PRDM14: variants seen among roughly 807,000 people sequenced by gnomAD.
PRDM14 encodes PR/SET domain 14, also known as PR domain zinc finger protein 14.
In PRDM14, 16 loss-of-function variants were observed where a neutral mutation model predicts 48.0. The ratio of observed to expected loss-of-function variants is 0.33; its 90% CI spans 0.23 to 0.51. The LOEUF (loss-of-function observed/expected upper bound fraction) is 0.51. Among genes scored for constraint, PRDM14 ranks in the 20% least tolerant of loss-of-function variants. The pLI is 0.97. For synonymous variants in PRDM14, 264 were observed against 276.6 expected, an observed-to-expected ratio of 0.95 and a Z score of 0.45; for missense variants, 566 against 719.6, an observed-to-expected ratio of 0.79 and a Z score of 2.44.
rs995072589 is a variant in PRDM14, at chr8:70,062,579, C to T, written c.1183+3656G>A. Among the ~76,000 whole-genome samples the T allele has an allele frequency of 7.2e-5, 11 of 151,888 alleles. No individual in the cohort carries two copies. In the East Asian group the frequency reaches 2.1e-3, roughly 29 times the overall value. On this transcript the variant is annotated intron_variant, in intron 5 of 7. Coordinates refer to ENST00000276594, the MANE Select transcript of PRDM14 (RefSeq NM_024504.4). ...CCCGGTTTCAAGCGATTATCCGGCT[C>T]CAGCCTCCTGAGTAGCTGAGATTAC...
intron 5 of PRDM14, among the ~76,000 whole-genome samples, chr8:70,059,428 C>T (rs1441613329): frequency 2.6e-5 from 4 of 151,926 alleles, no homozygotes; most frequent in East Asian, 1.9e-4. Flanking sequence ...CACACCACCA[C>T]GCCCAGCTAA....
rs1445776800 is a variant in PRDM14, at chr8:70,052,145, T to C, written c.1648A>G (p.Ile550Val). The C allele has an allele frequency of 5.0e-6, 8 of 1,613,148 alleles. No homozygotes were observed. Among genetic ancestry groups the C allele is most frequent in the Non-Finnish European group, 6.8e-6 (8 of 1,179,916 alleles). Residue 550 changes from isoleucine (I) to valine (V), a missense_variant, in exon 8 of 8, where the codon ATC (isoleucine) becomes GTC (valine). Around this residue, in one of 3 missense-constraint regions of PRDM14, gnomAD observed 126 missense variants for 271.6 expected, o/e 0.46. Transcript: ENST00000276594. Reference protein sequence around the residue: ...HKEDDGCSCSICGKIFSDQET... With the variant: ...HKEDDGCSCSVCGKIFSDQET... ...TGATCTGAGAAGATTTTCCCACAGA[T>C]GCTGCATGAGCAGCCATCATCCTCC...
At chr8:70,059,285 T>A (rs915214557) in intron 5 of PRDM14, among the ~76,000 whole-genome samples, 3 of 151,244 alleles carry the variant, frequency 2.0e-5, no homozygotes, top group Non-Finnish European at 2.9e-5. Flanking sequence ...TCTTTTTTTT[T>A]TTTTGAGATG....
chr8:70,052,313 AAC>A lies in PRDM14; in HGVS notation c.1489-11_1489-10del. 1 of 1,596,548 alleles carries A rather than the reference AAC, an allele frequency of 6.3e-7. No homozygotes were observed. The highest frequency in any genetic ancestry group is 8.6e-7 in the Non-Finnish European group (1 of 1,168,268). ...CTGGAGGCTGTGAACCTCTGCAGAG[AAC>A]AGAAATACAGAACACAAGAAAAAGT... On this transcript the variant is annotated splice_polypyrimidine_tract_variant and intron_variant, in intron 7 of 7. Transcript: ENST00000276594.
intron 6 of PRDM14, among the ~76,000 whole-genome samples, chr8:70,057,004 C>A (rs1805485195): frequency 6.7e-6 from 1 of 148,526 alleles, no homozygotes; most frequent in Non-Finnish European, 1.5e-5. Context: ...CTCGCTCTGT[C>A]ACCCAGGCTG....
chr8:70,053,681 C>T (rs564174601), intron 7 of PRDM14, among the ~76,000 whole-genome samples: 10 of 152,198 alleles, frequency 6.6e-5, no homozygotes, highest in East Asian at 1.9e-4. Flanking sequence ...TGAGCCACCA[C>T]GCCCAGCTCA....
rs1563436980 is a variant in PRDM14 at position 70,052,143 on chromosome 8, G to T, written c.1650C>A (p.Ile550=). The T allele has an allele frequency of 1.9e-6, 3 of 1,613,220 alleles. No individual in the cohort carries two copies. The Middle Eastern group carries it at 5.5e-4, about 296-fold the overall frequency. Residue 550 remains isoleucine, a synonymous_variant, in exon 8 of 8, where the codon ATC becomes ATA. Transcript: ENST00000276594. ...HKEDDGCSCS[I]CGKIFSDQET... is the part of the protein sequence containing the mutation. Reference sequence around the variant, plus strand: ...CTTGATCTGAGAAGATTTTCCCACAGATGCTGCATGAGCAGCCATCATCCT... The same window carrying T: ...CTTGATCTGAGAAGATTTTCCCACATATGCTGCATGAGCAGCCATCATCCT...
At chr8:70,060,995 T>A (rs537183874) in intron 5 of PRDM14, among the ~76,000 whole-genome samples, 206 of 152,302 alleles carry the variant, frequency 1.4e-3, no homozygotes, top group Non-Finnish European at 2.5e-3. Context: ...GTTACCGTGA[T>A]GACTAATTTA....
intron 4 of PRDM14, among the ~76,000 whole-genome samples, chr8:70,067,778 AT>A (rs146737937): frequency 0.013 from 2,050 of 152,248 alleles, 56 homozygotes; most frequent in African/African-American, 0.045. Context: ...TCCCACTAGC[AT>A]ATCCCTAATA....
Position 70,069,663 on chromosome 8 carries a change from C to T in PRDM14, c.198G>A (p.Met66Ile), listed in dbSNP as rs1234841997. 9 of 1,565,670 alleles carry T rather than the reference C, an allele frequency of 5.7e-6. No homozygotes were observed. The highest frequency in any genetic ancestry group is 1.2e-5 in the South Asian group (1 of 86,212). The change falls in exon 2 of 8, where the codon ATG becomes ATA. Residue 66 changes from methionine (M) to isoleucine (I), a missense_variant. Around this residue, in one of 3 missense-constraint regions of PRDM14, gnomAD observed 410 missense variants for 424.6 expected, o/e 0.97. Transcript: ENST00000276594. ...LEAAASAAPA[M>I]PPFPFRMAPP... ...GCGCCATCCGGAAGGGGAAGGGGGG[C>T]ATGGCGGGGGCAGCAGACGCTGCGG...
At chr8:70,056,023 C>A (rs1204738881) in intron 6 of PRDM14, among the ~76,000 whole-genome samples, 4 of 152,186 alleles carry the variant, frequency 2.6e-5, no homozygotes, top group Non-Finnish European at 2.9e-5. Context: ...GCAATTAACT[C>A]AACAATTATC....
At chr8:70,069,918 GC>G (rs1279327133) in intron 1 of PRDM14, 34 bp from the exon 2 acceptor site, 10 of 1,359,582 alleles carry the variant, frequency 7.4e-6, no homozygotes, top group Non-Finnish European at 9.9e-6. Flanking sequence ...AGGACACCGC[GC>G]GGGAGCTTCC....
chr8:70,058,995 C>T (rs1469075021), intron 5 of PRDM14, among the ~76,000 whole-genome samples, 153 bp from the exon 6 acceptor site: 1 of 152,274 alleles, frequency 6.6e-6, no homozygotes, highest in African/African-American at 2.4e-5. Context: ...TGCTGTATTG[C>T]CCAGTCTGTA....
chr8:70,052,008 G>C lies in PRDM14; in HGVS notation c.*69C>G. ...AGGCTGGTCTCGAACTCCTGGACTT[G>C]AGTGATCCACCCACCTCTGCCTCCC... On this transcript the variant is annotated 3_prime_UTR_variant, in exon 8 of 8. Coordinates refer to ENST00000276594, the MANE Select transcript of PRDM14 (RefSeq NM_024504.4). The C allele has an allele frequency of 5.5e-6, 6 of 1,096,332 alleles. No individual in the cohort carries two copies. The African/African-American group carries it at 6.2e-5, about 11-fold the overall frequency. The allele number at this position is 1,096,332 out of a possible 1,614,324, so 67.9% of individuals were successfully genotyped here.
intron 5 of PRDM14, among the ~76,000 whole-genome samples, chr8:70,059,977 C>T (rs59918158): frequency 0.35 from 52,385 of 151,464 alleles, 9,353 homozygotes; most frequent in East Asian, 0.48. Context: ...CCTGTAATCC[C>T]AGCTACTTGG....
chr8:70,066,674 A>G (rs1029486198), intron 4 of PRDM14, among the ~76,000 whole-genome samples, 169 bp from the exon 5 acceptor site: 13 of 152,186 alleles, frequency 8.5e-5, no homozygotes, highest in Admixed American at 2.6e-4. Context: ...TACTTATGCC[A>G]ACATAGATTT....
At chr8:70,053,694 G>T (rs1229218141) in intron 7 of PRDM14, among the ~76,000 whole-genome samples, 1 of 152,040 alleles carries the variant, frequency 6.6e-6, no homozygotes, top group Non-Finnish European at 1.5e-5. Flanking sequence ...CCAGCTCAGT[G>T]GTGTTTTTCT....
At chr8:70,055,271 C>T in intron 7 of PRDM14, 29 bp downstream of exon 7, 1 of 1,276,572 alleles carries the variant, frequency 7.8e-7, no homozygotes, top group Non-Finnish European at 1.1e-6. Flanking sequence ...GAGCTCAGGA[C>T]ACATCCCTTA....
Position 70,064,523 on chromosome 8 carries a change from C to CTTT in PRDM14, c.1183+1709_1183+1711dup, listed in dbSNP as rs1170368852. 1.1e-4 allele frequency among the ~76,000 whole-genome samples: 15 copies of CTTT among 136,158 alleles called. 1 individual carries two copies. Among genetic ancestry groups the CTTT allele is most frequent in the Admixed American group, 7.5e-5 (1 of 13,380 alleles). 89.3% of individuals were successfully genotyped at this position (136,158 alleles called of 152,430 possible). A position where few individuals can be genotyped will look rare whatever the true frequency, so the allele number is the denominator to read the frequency against. ...AAAACAGGCATGCAGATGCAATTTA[C>CTTT]TTTTTTTTTTTTTTTTTTTGAAACG... is the stretch of plus-strand genomic sequence containing the variant. On this transcript the variant is annotated intron_variant, in intron 5 of 7. Transcript: ENST00000276594.
Sources: allele counts gnomAD v4.1 joint callset (sites outside exome capture counted in the v4.1 genomes callset), GRCh38; gene constraint gnomAD v4.1.1; regional missense constraint gnomAD v4.1.1; transcripts MANE v1.5; gene names NCBI Gene and HGNC (gene_info 2026-07-23, HGNC 2026-07-21).